DOCK7: variants seen among roughly 807,000 people sequenced by gnomAD.
DOCK7 encodes dedicator of cytokinesis 7, also known as dedicator of cytokinesis protein 7.
DOCK7 carries 138 observed loss-of-function variants against 271.0 expected under a neutral mutation model. The ratio of observed to expected loss-of-function variants is 0.51; its 90% CI spans 0.44 to 0.59. The LOEUF (loss-of-function observed/expected upper bound fraction) is 0.59. Among genes scored for constraint, DOCK7 ranks in the 20% least tolerant of loss-of-function variants. The pLI, the probability that DOCK7 is intolerant of heterozygous loss-of-function variation, is 0.00. For missense variants in DOCK7, 2,066 were observed against 2,592.4 expected (o/e 0.80, Z 4.41); for synonymous variants, 823 against 876.1 (o/e 0.94, Z 1.07).
intron 14 of DOCK7, among the ~76,000 whole-genome samples, chr1:62,591,533 T>G (rs1648451690): frequency 6.6e-6 from 1 of 151,648 alleles, no homozygotes; most frequent in African/African-American, 2.4e-5. Flanking sequence ...AAATAAAAAA[T>G]AATAAAAGAA....
intron 18 of DOCK7, among the ~76,000 whole-genome samples, chr1:62,572,615 G>A (rs1646819896): frequency 6.9e-6 from 1 of 145,638 alleles, no homozygotes; most frequent in African/African-American, 2.7e-5. Flanking sequence ...GGTTGCAGAT[G>A]GCCACCTTCT....
chr1:62,510,606 G>A lies in DOCK7; in HGVS notation c.4350C>T (p.His1450=), dbSNP rs766419183. 1.2e-6 allele frequency: 2 copies of A among 1,613,294 alleles called. No individual in the cohort carries two copies. The highest frequency in any genetic ancestry group is 4.5e-5 in the East Asian group (2 of 44,782). ...CAAGCTTCTCTGTGTTTTGACGCCA[G>A]TGAGTCATATCTTTCCTCCACCTCA... ...ENLRWRKDMT[H]WRQNTEKLDK... is the part of the protein sequence containing the mutation. Residue 1450 remains histidine (H), a synonymous_variant, in exon 34 of 50, where the codon CAC becomes CAT. Coordinates refer to ENST00000635253, the MANE Select transcript of DOCK7 (RefSeq NM_001367561.1).
intron 2 of DOCK7, among the ~76,000 whole-genome samples, chr1:62,658,786 C>T (rs964081512): frequency 6.6e-6 from 1 of 151,780 alleles, no homozygotes; most frequent in African/African-American, 2.4e-5. Context: ...CTCAACTATA[C>T]CAAAAATTTA....
intron 15 of DOCK7, among the ~76,000 whole-genome samples, chr1:62,585,958 C>T (rs1254924366): frequency 6.6e-6 from 1 of 152,152 alleles, no homozygotes; most frequent in Non-Finnish European, 1.5e-5. Context: ...GTTTGAAAAG[C>T]TTCCCAGGTG....
In DOCK7 at chr1:62,613,435, G is replaced by A. The variant is rs761753661; in HGVS notation, c.1682+5271C>T. Reference sequence around the variant, plus strand: ...GTGTGTGGGAGGTAGGGAGGCGCGGGGAACGACAGAGTTTGTTATTTAAAG... The same window carrying A: ...GTGTGTGGGAGGTAGGGAGGCGCGGAGAACGACAGAGTTTGTTATTTAAAG... On this transcript the variant is annotated intron_variant, in intron 14 of 49. Coordinates refer to ENST00000635253, the MANE Select transcript of DOCK7 (RefSeq NM_001367561.1). Among the ~76,000 whole-genome samples the A allele has an allele frequency of 3.3e-5, 5 of 152,026 alleles. No individual in the cohort carries two copies. In the South Asian group the frequency reaches 6.2e-4, roughly 19 times the overall value.
intron 16 of DOCK7, among the ~76,000 whole-genome samples, chr1:62,581,609 G>C (rs1303224653): frequency 2.6e-5 from 4 of 152,202 alleles, no homozygotes; most frequent in Middle Eastern, 3.4e-3. Context: ...TATTAAAGCA[G>C]TAGCATTTTC....
At chr1:62,629,401 AAAATAAAT>A (rs1170340399) in intron 11 of DOCK7, 3 of 152,230 alleles carry the variant, frequency 2.0e-5, no homozygotes, top group Non-Finnish European at 2.9e-5. Context: ...TTTGGCAATA[AAAATAAAT>A]AATACCAATA....
chr1:62,681,773 GA>G (rs1434391871), intron 1 of DOCK7, among the ~76,000 whole-genome samples: 5 of 152,074 alleles, frequency 3.3e-5, no homozygotes, highest in Non-Finnish European at 1.5e-5. Context: ...ACAAAGCAAT[GA>G]AAATGAATGA....
chr1:62,543,734 T>C lies in DOCK7; in HGVS notation c.2871A>G (p.Arg957=). 3 of 1,595,410 alleles carry C rather than the reference T, an allele frequency of 1.9e-6. No homozygotes were observed. In the South Asian group the frequency reaches 3.4e-5, roughly 18 times the overall value. Residue 957 remains arginine (R), a synonymous_variant, in exon 24 of 50, where the codon CGA becomes CGG. Coordinates refer to ENST00000635253, the MANE Select transcript of DOCK7 (RefSeq NM_001367561.1). ...TGTGCGAAGACATACGATTACAACT[T>C]CGATCCATAGCCTATGGAGTGAAGA... ...PSAESTQAMD[R]SCNRMSSHTE...
intron 35 of DOCK7, among the ~76,000 whole-genome samples, chr1:62,506,234 AATTTTAGCTG>A (rs1263058949): frequency 6.6e-6 from 1 of 152,148 alleles, no homozygotes; most frequent in Non-Finnish European, 1.5e-5. Context: ...TGAAATCCTG[AATTTTAGCTG>A]AAGACTTTGA....
At chr1:62,466,341 A>G (rs1387782475) in intron 48 of DOCK7, among the ~76,000 whole-genome samples, 1 of 152,228 alleles carries the variant, frequency 6.6e-6, no homozygotes, top group East Asian at 1.9e-4. Flanking sequence ...GGCTAACTCT[A>G]CTGTTTTGTA....
At position 62,528,195 on chromosome 1, in the gene DOCK7, C is replaced by T. The variant is rs545347606; in HGVS notation, c.3892G>A (p.Val1298Ile). 1 of 1,613,678 alleles carries T rather than the reference C, an allele frequency of 6.2e-7. No individual in the cohort carries two copies. Among genetic ancestry groups the T allele is most frequent in the Non-Finnish European group, 8.5e-7 (1 of 1,179,788 alleles). ...CTGCCAGGCCTTGTTAGTTGAGGGACCGATGTCCCTGCGATTGCCATGGCA... is the reference window on the plus strand; with the variant it reads ...CTGCCAGGCCTTGTTAGTTGAGGGATCGATGTCCCTGCGATTGCCATGGCA... Reference protein sequence around the residue: ...TVAMAIAGTSVPQLTRPGSFL... With the variant: ...TVAMAIAGTSIPQLTRPGSFL... Residue 1298 changes from valine (V) to isoleucine (I), a missense_variant, in exon 31 of 50, where the codon GTC becomes ATC. By Grantham distance (29) the Val-to-Ile change is conservative. Transcript: ENST00000635253.
intron 14 of DOCK7, chr1:62,603,956 CT>C (rs1650538121): frequency 1.2e-6 from 2 of 1,611,626 alleles, no homozygotes; most frequent in Non-Finnish European, 1.7e-6. Flanking sequence ...ATTTTTAAAA[CT>C]TTTCTTTTCA....
intron 12 of DOCK7, 54 bp downstream of exon 12, chr1:62,625,205 A>C: frequency 6.3e-7 from 1 of 1,588,880 alleles, no homozygotes; most frequent in South Asian, 1.1e-5. Flanking sequence ...TTCTGAAATT[A>C]AAAAAATTTA....
intron 18 of DOCK7, among the ~76,000 whole-genome samples, chr1:62,570,751 A>G: frequency 6.6e-6 from 1 of 152,142 alleles, no homozygotes; most frequent in East Asian, 1.9e-4. Flanking sequence ...AAATAAGACC[A>G]AACACCTACA....
chr1:62,539,561 T>C lies in DOCK7; in HGVS notation c.3284A>G (p.Lys1095Arg). The change falls in exon 27 of 50, where the codon AAG becomes AGG. Residue 1095 changes from lysine (K) to arginine (R), a missense_variant. Physicochemically the swap from Lys to Arg is conservative, Grantham distance 26. Around this residue, in one of 2 missense-constraint regions of DOCK7, gnomAD observed 1,414 missense variants for 1,670.4 expected, o/e 0.85. Coordinates refer to ENST00000635253, the MANE Select transcript of DOCK7 (RefSeq NM_001367561.1). Reference sequence around the variant, plus strand: ...ATGCATTACCTGTTTATAGCAGGACTTTATAAGGCTAAAAACAAATCCTCT... The same window carrying C: ...ATGCATTACCTGTTTATAGCAGGACCTTATAAGGCTAAAAACAAATCCTCT... ...MDRGFVFSLI[K>R]SCYKQVSSKL... is the part of the protein sequence containing the mutation. 1 of 1,611,450 alleles carries C rather than the reference T, an allele frequency of 6.2e-7. No individual in the cohort carries two copies. The highest frequency in any genetic ancestry group is 8.5e-7 in the Non-Finnish European group (1 of 1,179,130).
At chr1:62,681,610 C>T (rs1318285050) in intron 1 of DOCK7, among the ~76,000 whole-genome samples, 1 of 150,622 alleles carries the variant, frequency 6.6e-6, no homozygotes, top group Non-Finnish European at 1.5e-5. Flanking sequence ...GCAAGGGTGG[C>T]TATACCCTAG....
At chr1:62,457,891 T>C in intron 48 of DOCK7, 186 bp from the exon 49 acceptor site, 1 of 551,986 alleles carries the variant, frequency 1.8e-6, no homozygotes, top group Non-Finnish European at 3.1e-6. Context: ...GGCTCATGGC[T>C]GTAATCCCAG....
At chr1:62,612,716 T>C (rs1651945813) in intron 14 of DOCK7, among the ~76,000 whole-genome samples, 1 of 152,208 alleles carries the variant, frequency 6.6e-6, no homozygotes, top group Non-Finnish European at 1.5e-5. Flanking sequence ...AAGAGATGTA[T>C]GGGCATATTC....
Sources: allele counts gnomAD v4.1 joint callset (sites outside exome capture counted in the v4.1 genomes callset), GRCh38; gene constraint gnomAD v4.1.1; regional missense constraint gnomAD v4.1.1; transcripts MANE v1.5; gene names NCBI Gene and HGNC (gene_info 2026-07-23, HGNC 2026-07-21).